Variants in PARD3B observed in about 807,000 individuals in gnomAD.
PARD3B encodes the protein par-3 family cell polarity regulator beta.
PARD3B carries 103 observed loss-of-function variants against 130.2 expected under a neutral mutation model. The observed-to-expected ratio is 0.79, with a 90% CI of 0.67 to 0.93. PARD3B has a LOEUF of 0.93. PARD3B is among the 40% of genes least tolerant of loss of function. The probability of loss-of-function intolerance (pLI) is 0.00; values close to 1 mark genes in which losing one functional copy is unlikely to be tolerated. For missense variants in PARD3B, 1,609 were observed against 1,499.2 expected (o/e 1.07, Z -1.21); for synonymous variants, 583 against 553.2 (o/e 1.05, Z -0.76).
chr2:204,642,162 A>T (rs972940171), intron 1 of PARD3B, among the ~76,000 whole-genome samples: 1 of 152,200 alleles, frequency 6.6e-6, no homozygotes, highest in Non-Finnish European at 1.5e-5. Context: ...GAAAAGCTAT[A>T]TGGAATTCTA....
At chr2:204,805,124 A>C (rs1341390661) in intron 2 of PARD3B, among the ~76,000 whole-genome samples, 1 of 152,118 alleles carries the variant, frequency 6.6e-6, no homozygotes, top group African/African-American at 2.4e-5. Context: ...AAAAAATTAC[A>C]AAAGACCAAG....
chr2:205,362,441 A>G (rs1275583496), intron 18 of PARD3B, among the ~76,000 whole-genome samples: 4 of 152,194 alleles, frequency 2.6e-5, no homozygotes, highest in African/African-American at 9.7e-5. Context: ...AGTTCAGGTA[A>G]ACAGACAATA....
chr2:205,317,612 A>C (rs1362381370), intron 18 of PARD3B, among the ~76,000 whole-genome samples: 1 of 152,140 alleles, frequency 6.6e-6, no homozygotes, highest in Non-Finnish European at 1.5e-5. Context: ...CCTATTCTGC[A>C]TACCCAATTT....
chr2:205,059,387 G>A (rs1296085795), intron 4 of PARD3B, among the ~76,000 whole-genome samples: 2 of 152,194 alleles, frequency 1.3e-5, no homozygotes, highest in South Asian at 2.1e-4. Flanking sequence ...GAAAGCTTCT[G>A]TCTGTGGGTC....
chr2:205,574,093 C>T (rs562940980), intron 22 of PARD3B, among the ~76,000 whole-genome samples: 2 of 152,078 alleles, frequency 1.3e-5, no homozygotes, highest in East Asian at 1.9e-4. Context: ...TTTTAGAAAC[C>T]ACAATTACAG....
rs905084071 is a variant in PARD3B, at chr2:205,352,682, C to A, written c.2631-48331C>A. On this transcript the variant is annotated intron_variant, in intron 18 of 22. Transcript: ENST00000406610. The surrounding 1 kb of genome is among the most constrained non-coding windows in gnomAD (Gnocchi z 5.2). ...TTGGAGATAAACAGGTAGTATCAGG[C>A]GTCCATAGCCTTGCGTTTTACTCAC... Among the ~76,000 whole-genome samples the A allele has an allele frequency of 2.0e-5, 3 of 152,108 alleles. No individual in the cohort carries two copies. The highest frequency in any genetic ancestry group is 7.2e-5 in the African/African-American group (3 of 41,438).
At chr2:205,209,883 C>T (rs924406468) in intron 15 of PARD3B, among the ~76,000 whole-genome samples, 4 of 151,962 alleles carry the variant, frequency 2.6e-5, no homozygotes, top group Non-Finnish European at 4.4e-5. Flanking sequence ...TTTAATTGTA[C>T]ATTTTAAAAT....
At chr2:205,249,780 A>T (rs1445507553) in intron 16 of PARD3B, among the ~76,000 whole-genome samples, 1 of 152,074 alleles carries the variant, frequency 6.6e-6, no homozygotes, top group Non-Finnish European at 1.5e-5. Flanking sequence ...GTATGGTGAG[A>T]CCTGCCCGGA....
At chr2:205,398,516 C>T (rs555861240) in intron 18 of PARD3B, among the ~76,000 whole-genome samples, 1 of 152,096 alleles carries the variant, frequency 6.6e-6, no homozygotes, top group East Asian at 1.9e-4. Context: ...AGACTGGCTA[C>T]AACCAAAAAA....
chr2:204,602,968 G>A (rs1386161074), intron 1 of PARD3B, among the ~76,000 whole-genome samples: 1 of 152,066 alleles, frequency 6.6e-6, no homozygotes, highest in Admixed American at 6.6e-5. Context: ...GAATCAAGCT[G>A]TAGAATCAGA....
intron 13 of PARD3B, among the ~76,000 whole-genome samples, chr2:205,178,214 G>C (rs2125767156): frequency 1.3e-5 from 1 of 77,088 alleles, no homozygotes; most frequent in Admixed American, 1.5e-4. Flanking sequence ...TGTAATCCCA[G>C]CTACTATGGG....
intron 18 of PARD3B, among the ~76,000 whole-genome samples, chr2:205,364,107 T>A (rs1279771933): frequency 2.0e-5 from 3 of 152,018 alleles, no homozygotes; most frequent in African/African-American, 7.3e-5. Context: ...TTCCTAGAGA[T>A]CCCTAAGTAA....
At chr2:205,119,694 A>G (rs2030421464) in intron 7 of PARD3B, among the ~76,000 whole-genome samples, 1 of 152,076 alleles carries the variant, frequency 6.6e-6, no homozygotes. Context: ...AGGCAGGAGA[A>G]TCGCTTGAAC....
intron 21 of PARD3B, among the ~76,000 whole-genome samples, chr2:205,510,329 C>T (rs1293977530): frequency 6.6e-6 from 1 of 152,122 alleles, no homozygotes; most frequent in Non-Finnish European, 1.5e-5. Flanking sequence ...CCAGACAACC[C>T]TTCTATCTTA....
chr2:205,515,906 C>A (rs1333679132), intron 21 of PARD3B, among the ~76,000 whole-genome samples: 2 of 152,048 alleles, frequency 1.3e-5, no homozygotes, highest in African/African-American at 4.8e-5. Context: ...CCTGGGTTGT[C>A]CTCCAGGGTT....
At chr2:204,745,173 C>A (rs1370293337) in intron 2 of PARD3B, among the ~76,000 whole-genome samples, 1 of 152,036 alleles carries the variant, frequency 6.6e-6, no homozygotes, top group Admixed American at 6.6e-5. Context: ...GGAGGAAATC[C>A]TGTTCTGGTG....
In PARD3B at chr2:205,442,367, C is replaced by T. The variant is rs564509681; in HGVS notation, c.3044+1695C>T. ...AGGCTGGAGTGCAGTGGTACGATCGCGGCTAACCGCAACCTCTGCCTCCTA... is the reference window on the plus strand; with the variant it reads ...AGGCTGGAGTGCAGTGGTACGATCGTGGCTAACCGCAACCTCTGCCTCCTA... On this transcript the variant is annotated intron_variant, in intron 20 of 22. Coordinates refer to ENST00000406610, the MANE Select transcript of PARD3B (RefSeq NM_001302769.2). Among the ~76,000 whole-genome samples the T allele has an allele frequency of 1.4e-4, 20 of 140,994 alleles. No homozygotes were observed. The East Asian group carries it at 1.8e-3, about 13-fold the overall frequency. 92.5% of individuals were successfully genotyped at this position (140,994 alleles called of 152,430 possible).
chr2:205,103,702 G>A (rs1001909548), intron 4 of PARD3B: 1 of 985,200 alleles, frequency 1.0e-6, no homozygotes, highest in African/African-American at 1.7e-5. Flanking sequence ...GAGCCCTAAT[G>A]TCTTCTGTAA....
intron 21 of PARD3B, among the ~76,000 whole-genome samples, chr2:205,551,200 A>AT (rs2052630374): frequency 6.6e-6 from 1 of 151,770 alleles, no homozygotes; most frequent in South Asian, 2.1e-4. Flanking sequence ...AAGCATAGTG[A>AT]TTTTCCAACA....
Sources: gnomAD v4.1 joint callset for allele counts (sites outside exome capture counted in the v4.1 genomes callset) on GRCh38, gnomAD v4.1.1 for gene constraint, Gnocchi (gnomAD v3.1) non-coding constraint, MANE v1.5 for transcripts, NCBI Gene and HGNC (gene_info 2026-07-23, HGNC 2026-07-21) for gene names.